PATJ: variants seen among roughly 807,000 people sequenced by gnomAD.
PATJ encodes inaD-like protein.
In PATJ, 190 loss-of-function variants were observed where a neutral mutation model predicts 224.9. That is an observed-to-expected ratio of 0.84 (90% CI 0.75 to 0.95). The LOEUF (loss-of-function observed/expected upper bound fraction) is 0.95. Among genes scored for constraint, PATJ ranks in the 40% least tolerant of loss-of-function variants. The probability of loss-of-function intolerance (pLI) is 0.00; values close to 1 mark genes in which losing one functional copy is unlikely to be tolerated. For synonymous variants in PATJ, 769 were observed against 820.3 expected (o/e 0.94, Z 1.07); for missense variants, 2,121 against 2,270.3 (o/e 0.93, Z 1.34).
chr1:61,782,012 G>A (rs72929610), intron 7 of PATJ, among the ~76,000 whole-genome samples: 10,842 of 152,236 alleles, frequency 0.071, 682 homozygotes, highest in African/African-American at 0.17. Context: ...ACTGGATGCT[G>A]GTCACATAGG....
chr1:62,133,479 G>A (rs1249820937), intron 41 of PATJ, among the ~76,000 whole-genome samples: 1 of 152,146 alleles, frequency 6.6e-6, no homozygotes, highest in Non-Finnish European at 1.5e-5. Context: ...CTACTTGGGA[G>A]GCTGAGGCAG....
chr1:62,140,112 G>A (rs1667348207), intron 41 of PATJ, among the ~76,000 whole-genome samples: 1 of 152,084 alleles, frequency 6.6e-6, no homozygotes, highest in African/African-American at 2.4e-5. Context: ...TCCTGCAAAA[G>A]ACCAAGCTGT....
rs78686550 is a variant in PATJ at position 62,140,246 on chromosome 1, T to G, written c.5272-8038T>G. 2.6e-5 allele frequency among the ~76,000 whole-genome samples: 4 copies of G among 152,324 alleles called. No homozygotes were observed. The East Asian group carries it at 7.7e-4, about 29-fold the overall frequency. On this transcript the variant is annotated intron_variant, in intron 41 of 43. Transcript: ENST00000642238. ...TAAGATTCAGTATTATCAGTTTTTT[T>G]CATTTCGGGGTGGAGGAGTGAACAA...
intron 31 of PATJ, among the ~76,000 whole-genome samples, chr1:62,067,130 T>TTTTTTTTTTTTTTTTTTTTTTC (rs1656612446): frequency 7.0e-6 from 1 of 143,388 alleles, no homozygotes; most frequent in Non-Finnish European, 1.5e-5. Flanking sequence ...TTTCTTTTTT[T>TTTTTTTTTTTTTTTTTTTTTTC]TTTTTTTTTT....
At chr1:61,761,169 G>A (rs762971405) in intron 1 of PATJ, among the ~76,000 whole-genome samples, 3 of 152,022 alleles carry the variant, frequency 2.0e-5, no homozygotes, top group Non-Finnish European at 4.4e-5. Context: ...TAGAGATGAG[G>A]TTTCACTTTG....
At chr1:61,964,570 C>T (rs1681802974) in intron 27 of PATJ, among the ~76,000 whole-genome samples, 1 of 151,918 alleles carries the variant, frequency 6.6e-6, no homozygotes, top group South Asian at 2.1e-4. Flanking sequence ...GGGAGGATTG[C>T]TTGAGGCCAG....
At chr1:61,812,468 G>GTGTGTGT (rs1213546488) in intron 14 of PATJ, among the ~76,000 whole-genome samples, 8 of 147,706 alleles carry the variant, frequency 5.4e-5, no homozygotes, top group African/African-American at 1.2e-4. Flanking sequence ...GTGTGTGTGT[G>GTGTGTGT]GTGGTATTGG....
At chr1:62,146,823 A>C (rs1668086932) in intron 41 of PATJ, among the ~76,000 whole-genome samples, 1 of 152,120 alleles carries the variant, frequency 6.6e-6, no homozygotes, top group South Asian at 2.1e-4. Context: ...AAAAACCAAT[A>C]GAATTTCATG....
chr1:61,776,987 A>G (rs1646951808), intron 7 of PATJ, among the ~76,000 whole-genome samples: 1 of 152,106 alleles, frequency 6.6e-6, no homozygotes, highest in Non-Finnish European at 1.5e-5. Context: ...AGCCTCCCAA[A>G]GTGCTGGGAT....
chr1:62,135,827 A>G (rs1183509709), intron 41 of PATJ, among the ~76,000 whole-genome samples: 1 of 152,108 alleles, frequency 6.6e-6, no homozygotes, highest in Non-Finnish European at 1.5e-5. Flanking sequence ...GTGGTATCTT[A>G]TTACTTTCAT....
At chr1:62,017,404 A>G (rs1570074687) in intron 28 of PATJ, among the ~76,000 whole-genome samples, 1 of 118,166 alleles carries the variant, frequency 8.5e-6, no homozygotes, top group African/African-American at 3.6e-5. Context: ...ACTAAGCGAG[A>G]CTCCGCCTCA....
rs1248211923 is a variant in PATJ at position 62,161,216 on chromosome 1, C to T, written c.*162C>T. 8 of 477,900 alleles carry T rather than the reference C, an allele frequency of 1.7e-5. No homozygotes were observed. In the Middle Eastern group the frequency reaches 1.7e-3, roughly 102 times the overall value. The allele number at this position is 477,900 out of a possible 1,614,324, so 29.6% of individuals were successfully genotyped here. ...ATGGCTGAGGTTTCATGTGAATTTC[C>T]CAAATCAACAATCATCTCCTAATGT... On this transcript the variant is annotated 3_prime_UTR_variant, in exon 44 of 44. Transcript: ENST00000642238.
intron 31 of PATJ, among the ~76,000 whole-genome samples, chr1:62,056,552 T>C (rs1002935676): frequency 6.6e-6 from 1 of 151,668 alleles, no homozygotes; most frequent in African/African-American, 2.4e-5. Flanking sequence ...TGGCCGAGGC[T>C]GGTGGATCAC....
At chr1:61,943,958 G>GTC (rs1678250228) in intron 27 of PATJ, among the ~76,000 whole-genome samples, 1 of 152,184 alleles carries the variant, frequency 6.6e-6, no homozygotes, top group South Asian at 2.1e-4. Flanking sequence ...GGCAAACAGG[G>GTC]TCTGGAGTGG....
chr1:61,835,665 A>T (rs928305452), intron 17 of PATJ, among the ~76,000 whole-genome samples: 4 of 152,080 alleles, frequency 2.6e-5, no homozygotes, highest in African/African-American at 9.7e-5. Context: ...CAGCCTCCTA[A>T]TGTGCTGGGA....
In PATJ at chr1:61,901,323, G is replaced by C; in HGVS notation, c.3245G>C (p.Ser1082Thr). 1 of 1,573,436 alleles carries C rather than the reference G, an allele frequency of 6.4e-7. No homozygotes were observed. Among genetic ancestry groups the C allele is most frequent in the South Asian group, 1.2e-5 (1 of 83,394 alleles). The change falls in exon 24 of 44, where the codon AGT becomes ACT. Residue 1082 changes from serine to threonine, a missense_variant. Physicochemically the swap from Ser to Thr is moderately conservative, Grantham distance 58. Transcript: ENST00000642238. ...FREPNVSLGISIVGGQTVIKR... is the reference protein window; with the variant it reads ...FREPNVSLGITIVGGQTVIKR... ...GAACCCAATGTGTCTCTTGGGATCA[G>C]TATTGTTGGTGGACAAACTGTTATA... is the stretch of plus-strand genomic sequence containing the variant.
chr1:61,998,004 T>TATATATATATATA lies in PATJ; in HGVS notation c.3867+7640_3867+7641insATATATATATATA, dbSNP rs1342142560. On this transcript the variant is annotated intron_variant, in intron 28 of 43. Transcript: ENST00000642238. ...AGCTTATATATGTATATATAATATA[T>TATATATATATATA]TATATATATTAATTATATATAATAT... Among the ~76,000 whole-genome samples, 128 of 104,590 alleles carry TATATATATATATA rather than the reference T, an allele frequency of 1.2e-3. 2 individuals carry two copies. The highest frequency in any genetic ancestry group is 5.9e-3 in the African/African-American group (124 of 21,086). 68.6% of individuals were successfully genotyped at this position (104,590 alleles called of 152,430 possible). A position where few individuals can be genotyped will look rare whatever the true frequency, so the allele number is the denominator to read the frequency against.
At chr1:61,895,973 G>C (rs1557838195) in intron 22 of PATJ, among the ~76,000 whole-genome samples, 2 of 152,212 alleles carry the variant, frequency 1.3e-5, no homozygotes, top group Non-Finnish European at 2.9e-5. Flanking sequence ...GTGAGACATG[G>C]AGTCAAGGGA....
rs148915301 is a variant in PATJ at position 61,795,853 on chromosome 1, A to G, written c.1260+295A>G. ...TATCCTAGAAAACCCTGCGAGGACCACACTGTGTTCTTTAAACTCACCCAT... is the reference window on the plus strand; with the variant it reads ...TATCCTAGAAAACCCTGCGAGGACCGCACTGTGTTCTTTAAACTCACCCAT... On this transcript the variant is annotated intron_variant, in intron 10 of 43. Transcript: ENST00000642238. Among the ~76,000 whole-genome samples the G allele has an allele frequency of 1.9e-3, 292 of 152,278 alleles. 12 individuals carry two copies. The East Asian group carries it at 0.054, about 28-fold the overall frequency.
Sources: gnomAD v4.1 joint callset for allele counts (sites outside exome capture counted in the v4.1 genomes callset) on GRCh38, gnomAD v4.1.1 for gene constraint, MANE v1.5 for transcripts, NCBI Gene and HGNC (gene_info 2026-07-23, HGNC 2026-07-21) for gene names.